PPP1R9A: variants seen among roughly 807,000 people sequenced by gnomAD.
PPP1R9A encodes protein phosphatase 1 regulatory subunit 9A.
In PPP1R9A, 59 loss-of-function variants were observed where a neutral mutation model predicts 141.9. The ratio of observed to expected loss-of-function variants is 0.42; its 90% CI spans 0.34 to 0.52. The LOEUF is 0.52. Among genes scored for constraint, PPP1R9A ranks in the 20% least tolerant of loss-of-function variants. The probability of loss-of-function intolerance (pLI) is 0.10; values close to 1 mark genes in which losing one functional copy is unlikely to be tolerated. For missense variants in PPP1R9A, 1,444 were observed against 1,611.9 expected (o/e 0.90, Z 1.78); for synonymous variants, 500 against 569.7 (o/e 0.88, Z 1.74).
intron 2 of PPP1R9A, among the ~76,000 whole-genome samples, chr7:95,083,035 G>A (rs139965592): frequency 0.045 from 6,869 of 151,870 alleles, 272 homozygotes; most frequent in African/African-American, 0.084. Context: ...GATTACAGGC[G>A]TGAGCCACTG....
At chr7:94,908,876 T>A (rs1055771125) in intron 1 of PPP1R9A, among the ~76,000 whole-genome samples, 1 of 152,220 alleles carries the variant, frequency 6.6e-6, no homozygotes, top group Non-Finnish European at 1.5e-5. Context: ...GAGCCGAGTT[T>A]GGAGACGGTT....
chr7:94,943,778 T>TAG (rs1310443863), intron 2 of PPP1R9A, among the ~76,000 whole-genome samples: 1 of 152,176 alleles, frequency 6.6e-6, no homozygotes, highest in Non-Finnish European at 1.5e-5. Context: ...CTCATTTCTA[T>TAG]GCATGGAAAA....
chr7:95,108,270 TTTTTCTTTTTC>T (rs1819856413), intron 2 of PPP1R9A, among the ~76,000 whole-genome samples: 1 of 49,538 alleles, frequency 2.0e-5, no homozygotes, highest in African/African-American at 7.1e-5. Context: ...CATTATTTTC[TTTTTCTTTTTC>T]TTTTCTTTTC....
At chr7:95,169,162 A>AT (rs540930963) in intron 5 of PPP1R9A, among the ~76,000 whole-genome samples, 1 of 152,080 alleles carries the variant, frequency 6.6e-6, no homozygotes, top group African/African-American at 2.4e-5. Context: ...GGATGAATGG[A>AT]TTTTTTTAAG....
In PPP1R9A at chr7:95,037,193, T is replaced by G. The variant is rs542769235; in HGVS notation, c.1396-74066T>G. Reference sequence around the variant, plus strand: ...TTATTGAGAATCAATTATGAGCATATAGTGGTCCATTATTTTTCTCTGTTT... The same window carrying G: ...TTATTGAGAATCAATTATGAGCATAGAGTGGTCCATTATTTTTCTCTGTTT... On this transcript the variant is annotated intron_variant, in intron 2 of 19. Coordinates refer to ENST00000433360, the MANE Select transcript of PPP1R9A (RefSeq NM_001166160.2). 163 of 152,328 alleles carry G rather than the reference T, an allele frequency of 1.1e-3. 1 individual carries two copies. Among genetic ancestry groups the G allele is most frequent in the African/African-American group, 3.8e-3 (156 of 41,576 alleles). The allele number at this position is 152,328 out of a possible 1,614,324, so 9.4% of individuals were successfully genotyped here. A position where few individuals can be genotyped will look rare whatever the true frequency, so the allele number is the denominator to read the frequency against.
At chr7:95,102,236 A>G (rs1818887074) in intron 2 of PPP1R9A, among the ~76,000 whole-genome samples, 2 of 152,226 alleles carry the variant, frequency 1.3e-5, no homozygotes, top group African/African-American at 4.8e-5. Context: ...CAGATTATCC[A>G]TTCCTGAAAT....
chr7:94,989,943 CTCTT>C (rs1213827176), intron 2 of PPP1R9A, among the ~76,000 whole-genome samples: 3 of 151,920 alleles, frequency 2.0e-5, no homozygotes, highest in Admixed American at 6.6e-5. Flanking sequence ...AGAAAAAAGA[CTCTT>C]TGTTGATCGA....
intron 16 of PPP1R9A, among the ~76,000 whole-genome samples, chr7:95,280,822 C>T (rs1804063616): frequency 6.6e-6 from 1 of 151,136 alleles, no homozygotes; most frequent in African/African-American, 2.4e-5. Context: ...AAGGAAGGAA[C>T]GAGGAGGAGA....
intron 2 of PPP1R9A, among the ~76,000 whole-genome samples, chr7:95,027,336 G>A (rs1488728780): frequency 6.6e-6 from 1 of 152,170 alleles, no homozygotes; most frequent in Non-Finnish European, 1.5e-5. Flanking sequence ...GGCTATGGGA[G>A]GGAGTTTTCT....
intron 8 of PPP1R9A, 41 bp from the exon 9 acceptor site, chr7:95,247,432 A>G (rs1383502953): frequency 1.1e-5 from 17 of 1,505,874 alleles, no homozygotes; most frequent in East Asian, 6.8e-5. Flanking sequence ...ATATAGATAC[A>G]CTTTCTTAGT....
At chr7:94,990,307 G>A (rs1801349117) in intron 2 of PPP1R9A, among the ~76,000 whole-genome samples, 1 of 152,096 alleles carries the variant, frequency 6.6e-6, no homozygotes, top group Non-Finnish European at 1.5e-5. Flanking sequence ...GGATTATAGA[G>A]CCAAATGAGA....
chr7:95,246,741 C>T (rs143344607), intron 8 of PPP1R9A, among the ~76,000 whole-genome samples: 14 of 152,132 alleles, frequency 9.2e-5, no homozygotes, highest in African/African-American at 3.4e-4. Flanking sequence ...CCTAAGGAAA[C>T]GAATGATTCG....
At chr7:95,225,638 T>C (rs907914198) in intron 7 of PPP1R9A, among the ~76,000 whole-genome samples, 7 of 152,126 alleles carry the variant, frequency 4.6e-5, no homozygotes, top group African/African-American at 1.7e-4. Context: ...AAGAAATGAC[T>C]TATTTCCCTC....
At chr7:94,911,642 T>C (rs1205642273) in intron 2 of PPP1R9A, 134 bp downstream of exon 2, 1 of 658,324 alleles carries the variant, frequency 1.5e-6, no homozygotes, top group Non-Finnish European at 2.5e-6. Flanking sequence ...TAAAATCACC[T>C]GTTGTCAGGT....
intron 2 of PPP1R9A, among the ~76,000 whole-genome samples, chr7:95,072,305 T>C (rs1158826673): frequency 6.9e-6 from 1 of 144,940 alleles, no homozygotes; most frequent in Non-Finnish European, 1.5e-5. Context: ...AAATTAATAA[T>C]ATTGTATTAT....
intron 2 of PPP1R9A, among the ~76,000 whole-genome samples, chr7:94,920,752 G>A (rs1171118835): frequency 2.0e-5 from 3 of 152,144 alleles, no homozygotes; most frequent in Non-Finnish European, 2.9e-5. Context: ...GGTGAATAGA[G>A]TCATGACCAT....
At chr7:95,101,718 C>G (rs1584692986) in intron 2 of PPP1R9A, among the ~76,000 whole-genome samples, 1 of 152,172 alleles carries the variant, frequency 6.6e-6, no homozygotes, top group East Asian at 1.9e-4. Context: ...GACTAGTTTA[C>G]CTTTCTTTGG....
chr7:94,914,665 A>T (rs1477198344), intron 2 of PPP1R9A, among the ~76,000 whole-genome samples: 1 of 152,206 alleles, frequency 6.6e-6, no homozygotes, highest in Non-Finnish European at 1.5e-5. Flanking sequence ...CATTTTCAGG[A>T]ATTTTTCAAA....
At chr7:95,261,937 T>A (rs1470388919) in intron 12 of PPP1R9A, among the ~76,000 whole-genome samples, 1 of 152,216 alleles carries the variant, frequency 6.6e-6, no homozygotes, top group Non-Finnish European at 1.5e-5. Context: ...GAAAGATGCT[T>A]TCCTTTTTAG....
Sources: gnomAD v4.1 joint callset for allele counts (sites outside exome capture counted in the v4.1 genomes callset) on GRCh38, gnomAD v4.1.1 for gene constraint, MANE v1.5 for transcripts, NCBI Gene and HGNC (gene_info 2026-07-23, HGNC 2026-07-21) for gene names.